Variants in BCAR3 observed in about 807,000 individuals in gnomAD.
The protein encoded by BCAR3 is BCAR3 adaptor protein, NSP family member, also known as breast cancer anti-estrogen resistance protein 3.
In BCAR3, 37 loss-of-function variants were observed where a neutral mutation model predicts 80.1. The observed-to-expected ratio is 0.46, with a 90% CI of 0.36 to 0.61. The LOEUF is 0.61. BCAR3 is among the 20% of genes least tolerant of loss of function. The pLI is 0.00. For missense variants in BCAR3, 978 were observed against 1,068.2 expected, an observed-to-expected ratio of 0.92 and a Z score of 1.18; for synonymous variants, 389 against 418.9, an observed-to-expected ratio of 0.93 and a Z score of 0.87.
At chr1:93,575,691 C>T (rs113911415) in intron 8 of BCAR3, among the ~76,000 whole-genome samples, 6 of 152,336 alleles carry the variant, frequency 3.9e-5, no homozygotes, top group African/African-American at 1.4e-4. Flanking sequence ...GGCCCCAGCT[C>T]TGCCCCAGGC....
At chr1:93,802,909 C>T (rs899452575) in intron 2 of BCAR3, among the ~76,000 whole-genome samples, 3 of 152,186 alleles carry the variant, frequency 2.0e-5, no homozygotes, top group African/African-American at 7.2e-5. Context: ...GAGACTCCCT[C>T]CTTCTCCTTT....
At chr1:93,841,529 G>A (rs1378129192) in intron 2 of BCAR3, among the ~76,000 whole-genome samples, 1 of 152,208 alleles carries the variant, frequency 6.6e-6, no homozygotes, top group East Asian at 1.9e-4. Flanking sequence ...TACTAGGCTT[G>A]GAAGCCTGGT....
At chr1:93,637,225 A>C (rs1412736791) in intron 3 of BCAR3, among the ~76,000 whole-genome samples, 3 of 151,864 alleles carry the variant, frequency 2.0e-5, no homozygotes. Flanking sequence ...GCTGGAGTGC[A>C]ATGGCCCAAT....
chr1:93,591,863 C>A (rs1023357085), intron 4 of BCAR3, among the ~76,000 whole-genome samples: 1 of 152,182 alleles, frequency 6.6e-6, no homozygotes, highest in Non-Finnish European at 1.5e-5. Flanking sequence ...TCTCTCCTCC[C>A]GAAGCTAAGC....
chr1:93,831,834 G>A lies in BCAR3; in HGVS notation c.-63+13733C>T, dbSNP rs182445992. ...TTTCTTTCCGCAACTAGCCCTCCCCGACCTGCCCAACAATTTCCTCTTAAA... is the reference window on the plus strand; with the variant it reads ...TTTCTTTCCGCAACTAGCCCTCCCCAACCTGCCCAACAATTTCCTCTTAAA... On this transcript the variant is annotated intron_variant, in intron 2 of 13. Transcript: ENST00000370244. 1.4e-3 allele frequency among the ~76,000 whole-genome samples: 215 copies of A among 152,118 alleles called. 3 individuals are homozygous for A. The highest frequency in any genetic ancestry group is 1.5e-3 in the Non-Finnish European group (102 of 68,008).
At chr1:93,840,843 G>A (rs1654934252) in intron 2 of BCAR3, among the ~76,000 whole-genome samples, 1 of 152,188 alleles carries the variant, frequency 6.6e-6, no homozygotes, top group Non-Finnish European at 1.5e-5. Context: ...TAGTCAAGTA[G>A]CTTCCTTATT....
chr1:93,698,633 A>T (rs1649516956), intron 3 of BCAR3, among the ~76,000 whole-genome samples: 3 of 151,970 alleles, frequency 2.0e-5, no homozygotes, highest in Admixed American at 2.0e-4. Flanking sequence ...AACTCCAACA[A>T]CCCATTCCTG....
intron 3 of BCAR3, among the ~76,000 whole-genome samples, chr1:93,593,075 T>G (rs1314570622): frequency 2.0e-5 from 3 of 152,154 alleles, no homozygotes; most frequent in Non-Finnish European, 4.4e-5. Flanking sequence ...TGAGAATCAG[T>G]GGTCTGCGGC....
intron 2 of BCAR3, among the ~76,000 whole-genome samples, chr1:93,764,654 C>A (rs1187175439): frequency 6.6e-6 from 1 of 152,194 alleles, no homozygotes; most frequent in Non-Finnish European, 1.5e-5. Context: ...CTCCCCATGA[C>A]ACCAAGCCTG....
At chr1:93,798,359 T>A (rs1199076211) in intron 2 of BCAR3, among the ~76,000 whole-genome samples, 1 of 152,028 alleles carries the variant, frequency 6.6e-6, no homozygotes, top group Non-Finnish European at 1.5e-5. Context: ...TTTATTTTTA[T>A]TTTTTTTGCT....
chr1:93,800,468 T>C (rs536127511), intron 2 of BCAR3, among the ~76,000 whole-genome samples: 2 of 152,058 alleles, frequency 1.3e-5, no homozygotes, highest in East Asian at 1.9e-4. Context: ...CCCAGCTAGT[T>C]TGGAGGCTGA....
In BCAR3 at chr1:93,620,972, C is replaced by T. The variant is rs140499155; in HGVS notation, c.357+21332G>A. Among the ~76,000 whole-genome samples, 31 of 152,324 alleles carry T rather than the reference C, an allele frequency of 2.0e-4. No homozygotes were observed. The East Asian group carries it at 5.4e-3, about 27-fold the overall frequency. The stretch of plus-strand genomic sequence containing the variant: ...GTGCATTCTTCTAAAGCCACACATC[C>T]CTATCTCCACCTAGAAAGGCTGCCA... On this transcript the variant is annotated intron_variant, in intron 3 of 11. Coordinates refer to ENST00000260502, the MANE Select transcript of BCAR3 (RefSeq NM_003567.4).
At chr1:93,845,104 T>C (rs1655101587) in intron 2 of BCAR3, among the ~76,000 whole-genome samples, 1 of 152,166 alleles carries the variant, frequency 6.6e-6, no homozygotes, top group South Asian at 2.1e-4. Context: ...CATTGTTTCT[T>C]TCCCAATTCC....
At position 93,808,968 on chromosome 1, in the gene BCAR3, T is replaced by C. The variant is rs1252976583; in HGVS notation, c.-63+36599A>G. Among the ~76,000 whole-genome samples the C allele has an allele frequency of 2.0e-5, 3 of 152,102 alleles. No individual in the cohort carries two copies. The East Asian group carries it at 5.8e-4, about 29-fold the overall frequency. On this transcript the variant is annotated intron_variant, in intron 2 of 13. Transcript: ENST00000370244. ...TTGTAGAGTCAACATCAGACAAACATAACCAACTCAACAATGATTTCAAAA... is the reference window on the plus strand; with the variant it reads ...TTGTAGAGTCAACATCAGACAAACACAACCAACTCAACAATGATTTCAAAA...
intron 2 of BCAR3, among the ~76,000 whole-genome samples, chr1:93,669,043 T>C (rs1271178300): frequency 2.6e-5 from 4 of 152,018 alleles, no homozygotes; most frequent in African/African-American, 7.2e-5. Context: ...CAAAATCCAA[T>C]TTTTTTCTCC....
At chr1:93,782,361 G>A (rs1652792850) in intron 2 of BCAR3, among the ~76,000 whole-genome samples, 2 of 152,184 alleles carry the variant, frequency 1.3e-5, no homozygotes, top group Non-Finnish European at 2.9e-5. Flanking sequence ...TACCCCACAT[G>A]AGTGCAAATG....
chr1:93,653,958 T>C (rs1386911118), intron 2 of BCAR3, among the ~76,000 whole-genome samples: 1 of 152,170 alleles, frequency 6.6e-6, no homozygotes, highest in African/African-American at 2.4e-5. Flanking sequence ...CAATACCTTC[T>C]GCATCTCGCC....
intron 2 of BCAR3, among the ~76,000 whole-genome samples, chr1:93,814,671 G>T (rs1653956471): frequency 6.6e-6 from 1 of 152,226 alleles, no homozygotes; most frequent in South Asian, 2.1e-4. Flanking sequence ...ACTGGTGTGT[G>T]TACCAGCTGT....
At chr1:93,804,517 T>C (rs561999932) in intron 2 of BCAR3, among the ~76,000 whole-genome samples, 36 of 152,322 alleles carry the variant, frequency 2.4e-4, no homozygotes, top group Non-Finnish European at 4.7e-4. Context: ...GCCAATCTGA[T>C]AACCAAGATG....
Sources: gnomAD v4.1 joint callset for allele counts (sites outside exome capture counted in the v4.1 genomes callset) on GRCh38, gnomAD v4.1.1 for gene constraint, MANE v1.5 for transcripts, NCBI Gene and HGNC (gene_info 2026-07-23, HGNC 2026-07-21) for gene names.